DYNC2H1: variants seen among roughly 807,000 people sequenced by gnomAD.
DYNC2H1 encodes dynein cytoplasmic 2 heavy chain 1.
DYNC2H1 carries 410 observed loss-of-function variants against 570.0 expected under a neutral mutation model. That is an observed-to-expected ratio of 0.72 (90% CI 0.66 to 0.78). DYNC2H1 has a LOEUF of 0.78. DYNC2H1 is among the 30% of genes least tolerant of loss of function. The pLI is 0.00. For synonymous variants in DYNC2H1, 1,688 were observed against 1,677.6 expected (o/e 1.01, Z -0.15); for missense variants, 4,865 against 5,046.4 (o/e 0.96, Z 1.09).
intron 87 of DYNC2H1, among the ~76,000 whole-genome samples, chr11:103,457,922 T>C (rs1944852504): frequency 6.6e-6 from 1 of 152,168 alleles, no homozygotes; most frequent in African/African-American, 2.4e-5. Context: ...ACACTTAGCT[T>C]AAAACATAAA....
Position 103,129,427 on chromosome 11 carries a change from C to T in DYNC2H1, c.1953+422C>T, listed in dbSNP as rs1161563475. 2.0e-5 allele frequency among the ~76,000 whole-genome samples: 3 copies of T among 152,252 alleles called. No homozygotes were observed. Among genetic ancestry groups the T allele is most frequent in the African/African-American group, 7.2e-5 (3 of 41,562 alleles). On this transcript the variant is annotated intron_variant, in intron 13 of 88. Transcript: ENST00000375735. This position sits in a 1 kb window ranked among gnomAD's most constrained non-coding sequence, Gnocchi z 4.1. ...GCTGGGTGCAGTGGCTTACGCCTGT[C>T]ATCCCAGCACTTTCGAGGCCGAGGC...
At position 103,253,375 on chromosome 11, in the gene DYNC2H1, T is replaced by G. The variant is rs1172051370; in HGVS notation, c.10133T>G (p.Phe3378Cys). The G allele has an allele frequency of 6.2e-7, 1 of 1,613,300 alleles. No individual in the cohort carries two copies. Among genetic ancestry groups the G allele is most frequent in the South Asian group, 1.1e-5 (1 of 91,044 alleles). Residue 3378 changes from phenylalanine to cysteine, a missense_variant, in exon 66 of 89, where the codon TTT becomes TGT. Transcript: ENST00000375735. ...TTGTCAACAAGAAACCCAAATCCTT[T>G]TATTCCACCGGATGCAGCTTCCATT... is the stretch of plus-strand genomic sequence containing the variant. ...LFLSTRNPNP[F>C]IPPDAASIVT...
chr11:103,384,643 C>T (rs1356402295), intron 83 of DYNC2H1, among the ~76,000 whole-genome samples: 1 of 152,028 alleles, frequency 6.6e-6, no homozygotes, highest in African/African-American at 2.4e-5. Context: ...CAAAGTTAAA[C>T]TCAGTATATT....
chr11:103,169,815 T>C (rs1466532283), intron 32 of DYNC2H1, among the ~76,000 whole-genome samples: 1 of 152,312 alleles, frequency 6.6e-6, no homozygotes, highest in East Asian at 1.9e-4. Context: ...AATTTTGGAT[T>C]TCTTTTCCTT....
At chr11:103,236,161 C>A (rs1157632351) in intron 62 of DYNC2H1, among the ~76,000 whole-genome samples, 1 of 151,778 alleles carries the variant, frequency 6.6e-6, no homozygotes, top group Non-Finnish European at 1.5e-5. Context: ...CTTTAAAATT[C>A]TTTGTGATGT....
Position 103,358,357 on chromosome 11 carries a change from C to G in DYNC2H1, c.12154C>G (p.Gln4052Glu). Reference protein sequence around the residue: ...PVLNLWKKLNQNSNLIHQKVP... With the variant: ...PVLNLWKKLNENSNLIHQKVP... ...CCTCAATCTCTGGAAGAAACTAAAC[C>G]AGGTTAGTAGTGGAATATTCTTCTG... The change falls in exon 83 of 89, where the codon CAG becomes GAG. Residue 4052 changes from glutamine to glutamate, a missense_variant and splice_region_variant. Transcript: ENST00000375735. The G allele has an allele frequency of 6.4e-7, 1 of 1,551,616 alleles. No homozygotes were observed. The highest frequency in any genetic ancestry group is 1.9e-5 in the Admixed American group (1 of 53,642).
intron 10 of DYNC2H1, among the ~76,000 whole-genome samples, 161 bp from the exon 11 acceptor site, chr11:103,122,664 G>A (rs1284808245): frequency 6.6e-6 from 1 of 152,142 alleles, no homozygotes; most frequent in African/African-American, 2.4e-5. Flanking sequence ...GCAAAGTAGG[G>A]GTTGATATTT....
Position 103,113,586 on chromosome 11 carries a change from G to T in DYNC2H1, c.245G>T (p.Arg82Leu). ...AAAGTGCTGGTGTTTTTCAAGCTGC[G>T]ACCTGAAGTAATTACTGATGAGAAT... ...KDKVLVFFKL[R>L]PEVITDENLH... Residue 82 changes from arginine (R) to leucine (L), a missense_variant, in exon 2 of 89, where the codon CGA becomes CTA. Physicochemically the swap from Arg to Leu is moderately radical, Grantham distance 102. Coordinates refer to ENST00000375735, the MANE Select transcript of DYNC2H1 (RefSeq NM_001377.3). 6.3e-7 allele frequency: 1 copy of T among 1,577,908 alleles called. No homozygotes were observed. The highest frequency in any genetic ancestry group is 8.6e-7 in the Non-Finnish European group (1 of 1,166,676).
intron 82 of DYNC2H1, among the ~76,000 whole-genome samples, chr11:103,331,749 G>C (rs1431084857): frequency 6.6e-6 from 1 of 152,122 alleles, no homozygotes; most frequent in Non-Finnish European, 1.5e-5. Context: ...ATTTAAAATA[G>C]TTACAATTTT....
chr11:103,479,002 TA>T, intron 88 of DYNC2H1, 92 bp from the exon 89 acceptor site: 1 of 1,352,484 alleles, frequency 7.4e-7, no homozygotes, highest in Non-Finnish European at 1.0e-6. Flanking sequence ...CATTTCATAA[TA>T]TAATATTAAT....
rs544376114 is a variant in DYNC2H1, at chr11:103,366,757, A to AG, written c.12156+8399dup. Reference sequence around the variant, plus strand: ...ATTAGTTAATACTTGTAAAGGACTTAGAACTGCACCTAGCCCAATGTTAAG... The same window carrying AG: ...ATTAGTTAATACTTGTAAAGGACTTAGGAACTGCACCTAGCCCAATGTTAAG... On this transcript the variant is annotated intron_variant, in intron 83 of 88. Transcript: ENST00000375735. Among the ~76,000 whole-genome samples, 697 of 152,288 alleles carry AG rather than the reference A, an allele frequency of 4.6e-3. 4 individuals are homozygous for AG. The highest frequency in any genetic ancestry group is 0.016 in the African/African-American group (671 of 41,566).
At chr11:103,116,395 G>A (rs1425625669) in intron 4 of DYNC2H1, among the ~76,000 whole-genome samples, 175 bp from the exon 5 acceptor site, 2 of 151,980 alleles carry the variant, frequency 1.3e-5, no homozygotes, top group Non-Finnish European at 2.9e-5. Flanking sequence ...GATGTTTGGG[G>A]GGAAATTATA....
intron 83 of DYNC2H1, among the ~76,000 whole-genome samples, chr11:103,390,674 C>G (rs1942105296): frequency 1.3e-5 from 2 of 152,176 alleles, no homozygotes; most frequent in African/African-American, 2.4e-5. Context: ...CCTTCAGGAG[C>G]TCTTGTAGGG....
At chr11:103,175,784 G>T (rs1222860174) in intron 36 of DYNC2H1, among the ~76,000 whole-genome samples, 1 of 152,118 alleles carries the variant, frequency 6.6e-6, no homozygotes, top group East Asian at 1.9e-4. Context: ...ATCTGGAATT[G>T]AATCTTAGCT....
chr11:103,142,439 G>A (rs1034034213), intron 17 of DYNC2H1, among the ~76,000 whole-genome samples: 5 of 152,150 alleles, frequency 3.3e-5, no homozygotes, highest in Admixed American at 3.3e-4. Flanking sequence ...GGAGGCTGAG[G>A]CTAATGGATC....
intron 34 of DYNC2H1, among the ~76,000 whole-genome samples, chr11:103,172,848 T>C (rs557686673): frequency 6.6e-6 from 1 of 152,150 alleles, no homozygotes; most frequent in African/African-American, 2.4e-5. Context: ...AAATAAACTC[T>C]GCAAAGCAGT....
At chr11:103,137,650 T>G (rs1270132273) in intron 17 of DYNC2H1, among the ~76,000 whole-genome samples, 1 of 152,060 alleles carries the variant, frequency 6.6e-6, no homozygotes, top group Non-Finnish European at 1.5e-5. Context: ...TAGTTTGAAG[T>G]CAGGTAGCGT....
At chr11:103,437,985 A>G (rs1944122407) in intron 85 of DYNC2H1, among the ~76,000 whole-genome samples, 1 of 152,084 alleles carries the variant, frequency 6.6e-6, no homozygotes, top group Non-Finnish European at 1.5e-5. Flanking sequence ...AAACTGATGA[A>G]AAACTGGTCG....
chr11:103,478,573 A>G (rs1945641498), intron 88 of DYNC2H1, among the ~76,000 whole-genome samples: 2 of 152,194 alleles, frequency 1.3e-5, no homozygotes, highest in African/African-American at 4.8e-5. Flanking sequence ...ACGTAACCCA[A>G]AAAAGAATAT....
Sources: gnomAD v4.1 joint callset for allele counts (sites outside exome capture counted in the v4.1 genomes callset) on GRCh38, gnomAD v4.1.1 for gene constraint, Gnocchi (gnomAD v3.1) non-coding constraint, MANE v1.5 for transcripts, NCBI Gene and HGNC (gene_info 2026-07-23, HGNC 2026-07-21) for gene names.